Variants in FREM1 observed in about 807,000 individuals in gnomAD.
FREM1 encodes FRAS1-related extracellular matrix protein 1.
A neutral mutation model predicts 210.1 loss-of-function variants in FREM1; 220 were observed. That is an observed-to-expected ratio of 1.05 (90% CI 0.94 to 1.17). FREM1 has a LOEUF of 1.17. Among genes scored for constraint, FREM1 ranks in the 50% most tolerant of loss-of-function variants. FREM1 has a pLI of 0.00. For missense variants in FREM1, 3,454 were observed against 2,675.5 expected (o/e 1.29, Z -6.42); for synonymous variants, 1,189 against 980.2 (o/e 1.21, Z -3.98).
chr9:14,883,389 G>C (rs1322218995), intron 1 of FREM1, among the ~76,000 whole-genome samples: 1 of 152,060 alleles, frequency 6.6e-6, no homozygotes, highest in Non-Finnish European at 1.5e-5. Context: ...GGTATGCTTT[G>C]TTTGGTTTTA....
Position 14,869,160 on chromosome 9 carries a change from C to T in FREM1, c.-183G>A. Reference sequence around the variant, plus strand: ...AAGTCAGACAAGGGGGCCTTTCAGGCAATCCCAGGGCTTTTAATAAAACTC... The same window carrying T: ...AAGTCAGACAAGGGGGCCTTTCAGGTAATCCCAGGGCTTTTAATAAAACTC... On this transcript the variant is annotated 5_prime_UTR_variant, in exon 2 of 37. Coordinates refer to ENST00000380880, the MANE Select transcript of FREM1 (RefSeq NM_001379081.2). The T allele has an allele frequency of 1.8e-6, 1 of 542,716 alleles. No homozygotes were observed. Among genetic ancestry groups the T allele is most frequent in the Non-Finnish European group, 3.3e-6 (1 of 305,952 alleles). 33.6% of individuals were successfully genotyped at this position (542,716 alleles called of 1,614,324 possible). A position where few individuals can be genotyped will look rare whatever the true frequency, so the allele number is the denominator to read the frequency against.
intron 24 of FREM1, among the ~76,000 whole-genome samples, chr9:14,780,334 C>T (rs2132754618): frequency 6.6e-6 from 1 of 150,668 alleles, no homozygotes; most frequent in South Asian, 2.1e-4. Flanking sequence ...TGCTTTCAAG[C>T]TTTCTGCATT....
chr9:14,839,249 T>C (rs1175114253), intron 10 of FREM1, among the ~76,000 whole-genome samples: 1 of 152,104 alleles, frequency 6.6e-6, no homozygotes, highest in Admixed American at 6.6e-5. Flanking sequence ...TGCTGACTGA[T>C]TGGTTGTGCT....
chr9:14,853,810 G>T (rs552933535), intron 5 of FREM1, among the ~76,000 whole-genome samples: 1 of 152,196 alleles, frequency 6.6e-6, no homozygotes, highest in Non-Finnish European at 1.5e-5. Flanking sequence ...CTGGGAAGAA[G>T]TATTATTTGA....
chr9:14,783,080 T>G (rs928419906), intron 24 of FREM1, among the ~76,000 whole-genome samples: 1 of 152,212 alleles, frequency 6.6e-6, no homozygotes, highest in Non-Finnish European at 1.5e-5. Flanking sequence ...AATTAAATGA[T>G]TACCTGCTTG....
intron 1 of FREM1, among the ~76,000 whole-genome samples, chr9:14,894,989 C>T (rs1030901948): frequency 1.8e-4 from 28 of 152,306 alleles, no homozygotes; most frequent in African/African-American, 6.7e-4. Flanking sequence ...ACCTTGTCTA[C>T]ACAGTTTCTG....
intron 28 of FREM1, 129 bp downstream of exon 28, chr9:14,759,643 G>T (rs1423732825): frequency 2.5e-6 from 2 of 791,404 alleles, no homozygotes; most frequent in Non-Finnish European, 1.9e-6. Flanking sequence ...AGAATCCTCA[G>T]AATAGTGGGA....
rs1246912395 is a variant in FREM1 at position 14,784,683 on chromosome 9, T to C, written c.4178-49A>G. Reference sequence around the variant, plus strand: ...TCAATAATCATATCAAAAAACACATTATGTCCAAGGCAAAGGCAGAAGACA... The same window carrying C: ...TCAATAATCATATCAAAAAACACATCATGTCCAAGGCAAAGGCAGAAGACA... On this transcript the variant is annotated intron_variant, in intron 23 of 36. Transcript: ENST00000380880. 3 of 1,397,364 alleles carry C rather than the reference T, an allele frequency of 2.1e-6. No homozygotes were observed. In the Admixed American group the frequency reaches 7.7e-5, roughly 36 times the overall value. 86.6% of individuals were successfully genotyped at this position (1,397,364 alleles called of 1,614,324 possible).
chr9:14,750,389 C>A (rs1009882013), intron 29 of FREM1, 113 bp from the exon 30 acceptor site: 1 of 748,130 alleles, frequency 1.3e-6, no homozygotes, highest in Non-Finnish European at 2.1e-6. Flanking sequence ...CCCGAGTGAG[C>A]TATTGTACTG....
intron 1 of FREM1, among the ~76,000 whole-genome samples, chr9:14,875,321 G>T (rs565991304): frequency 6.6e-6 from 1 of 152,144 alleles, no homozygotes; most frequent in African/African-American, 2.4e-5. Flanking sequence ...CCAATCAGAC[G>T]TAGATTTGGT....
At chr9:14,856,376 TCA>T (rs1231121297) in intron 5 of FREM1, among the ~76,000 whole-genome samples, 1 of 152,204 alleles carries the variant, frequency 6.6e-6, no homozygotes, top group Non-Finnish European at 1.5e-5. Context: ...CTAGTCTGCC[TCA>T]CAGTTTTTTT....
At chr9:14,851,260 G>GTC in intron 6 of FREM1, 24 bp downstream of exon 6, 1 of 1,530,854 alleles carries the variant, frequency 6.5e-7, no homozygotes, top group East Asian at 2.3e-5. Flanking sequence ...TAACTAGGCT[G>GTC]GAAGCTTTGT....
chr9:14,879,432 A>C (rs545434537), intron 1 of FREM1, among the ~76,000 whole-genome samples: 249 of 152,322 alleles, frequency 1.6e-3, no homozygotes, highest in Non-Finnish European at 2.5e-3. Flanking sequence ...GAAGTGAGGT[A>C]AAAATCAAAA....
chr9:14,824,818 G>A lies in FREM1; in HGVS notation c.2056C>T (p.Pro686Ser), dbSNP rs1379192699. 2.5e-6 allele frequency: 4 copies of A among 1,611,972 alleles called. No homozygotes were observed. The highest frequency in any genetic ancestry group is 2.2e-5 in the South Asian group (2 of 90,620). Residue 686 changes from proline to serine, a missense_variant, in exon 11 of 37, where the codon CCA becomes TCA. Pro to Ser is a moderately conservative substitution (Grantham distance 74). Transcript: ENST00000380880. ...TACCTGTGGCTGAAGGAGAAAAATG[G>A]AGGAGTAGTTATTGTGTAGACCAGC... ...RELVYTITTP[P>S]FFSFSHRHLD...
At chr9:14,896,217 C>T (rs1366311789) in intron 1 of FREM1, among the ~76,000 whole-genome samples, 3 of 152,164 alleles carry the variant, frequency 2.0e-5, no homozygotes, top group African/African-American at 7.2e-5. Context: ...CAAATGCCAT[C>T]ACAATGTCAG....
intron 17 of FREM1, among the ~76,000 whole-genome samples, chr9:14,807,189 G>T (rs1028831579): frequency 4.6e-5 from 7 of 152,178 alleles, no homozygotes; most frequent in African/African-American, 1.7e-4. Context: ...AGTGACAAAT[G>T]AAAGTAAGAA....
chr9:14,813,273 T>C (rs189285750), intron 15 of FREM1, among the ~76,000 whole-genome samples: 34 of 152,248 alleles, frequency 2.2e-4, no homozygotes, highest in African/African-American at 8.2e-4. Context: ...TGACAGACAT[T>C]TTAGGTAGGA....
chr9:14,819,911 T>C (rs1033578385), intron 13 of FREM1, among the ~76,000 whole-genome samples: 1 of 152,204 alleles, frequency 6.6e-6, no homozygotes, highest in Non-Finnish European at 1.5e-5. Context: ...GGGAAATGGA[T>C]TGGAGCTTTA....
chr9:14,886,563 T>C (rs1835855839), intron 1 of FREM1, among the ~76,000 whole-genome samples: 1 of 152,004 alleles, frequency 6.6e-6, no homozygotes, highest in African/African-American at 2.4e-5. Context: ...CTCCACATTA[T>C]AATCTTTAAA....
Sources: gnomAD v4.1 joint callset for allele counts (sites outside exome capture counted in the v4.1 genomes callset) on GRCh38, gnomAD v4.1.1 for gene constraint, MANE v1.5 for transcripts, NCBI Gene and HGNC (gene_info 2026-07-23, HGNC 2026-07-21) for gene names.